ADGRG4: variants seen among roughly 807,000 people sequenced by gnomAD.
ADGRG4 encodes the protein adhesion G protein-coupled receptor G4.
In ADGRG4, 122 loss-of-function variants were observed where a neutral mutation model predicts 126.2. The observed-to-expected ratio is 0.97, with a 90% CI of 0.83 to 1.12. The LOEUF (loss-of-function observed/expected upper bound fraction) is 1.12, where lower values mean the gene tolerates loss of function less well. Ranked by LOEUF, ADGRG4 falls within the 50% of genes most tolerant of loss-of-function variation. The pLI is 0.00. For synonymous variants in ADGRG4, 943 were observed against 838.7 expected, an observed-to-expected ratio of 1.12 and a Z score of -2.15; for missense variants, 2,481 against 2,251.8, an observed-to-expected ratio of 1.10 and a Z score of -2.06.
At chrX:136,369,388 C>T (rs761405640) in intron 13 of ADGRG4, among the ~76,000 whole-genome samples, 2 of 111,807 alleles carry the variant, frequency 1.8e-5, no homozygotes, top group South Asian at 7.5e-4. Flanking sequence ...AGGAGAAGTC[C>T]CTTTATTACT....
chrX:136,378,477 T>G (rs1312854720), intron 15 of ADGRG4, among the ~76,000 whole-genome samples: 1 of 111,322 alleles, frequency 9.0e-6, no homozygotes, highest in Non-Finnish European at 1.9e-5. Context: ...ATTCCTTTTA[T>G]TTCTTTTTGG....
At chrX:136,361,168 C>T (rs1324584322) in intron 11 of ADGRG4, among the ~76,000 whole-genome samples, 1 of 108,850 alleles carries the variant, frequency 9.2e-6, no homozygotes, top group Non-Finnish European at 1.9e-5. Context: ...AAACCTATCT[C>T]ATCAATTCGT....
intron 23 of ADGRG4, among the ~76,000 whole-genome samples, chrX:136,408,269 G>A (rs771444628): frequency 3.6e-5 from 4 of 111,397 alleles, no homozygotes; most frequent in Non-Finnish European, 7.5e-5. Context: ...TTGTTAGCTG[G>A]GTATATCATG....
At chrX:136,355,128 C>A (rs1322576086) in intron 8 of ADGRG4, among the ~76,000 whole-genome samples, 1 of 111,338 alleles carries the variant, frequency 9.0e-6, no homozygotes, top group Admixed American at 9.6e-5. Context: ...CTGAAGCCAG[C>A]TTCTGAGGCC....
intron 14 of ADGRG4, 76 bp from the exon 15 acceptor site, chrX:136,372,826 T>C: frequency 2.0e-6 from 2 of 992,312 alleles, no homozygotes; most frequent in Middle Eastern, 2.6e-4. Context: ...AGTCTTGCAA[T>C]AAGGAAATCT....
rs1294316919 is a variant in ADGRG4, at chrX:136,363,664, C to T, written c.7396+69C>T. On this transcript the variant is annotated intron_variant, in intron 13 of 25. Transcript: ENST00000394143. Reference sequence around the variant, plus strand: ...TTACTTTGCCTACTTGACCCCAAACCAGAGAGAGTATAGGCAAACCCCACT... The same window carrying T: ...TTACTTTGCCTACTTGACCCCAAACTAGAGAGAGTATAGGCAAACCCCACT... 1.1e-5 allele frequency: 8 copies of T among 706,454 alleles called. No individual in the cohort carries two copies. The Admixed American group carries it at 1.8e-4, about 16-fold the overall frequency. The allele number at this position is 706,454 out of a possible 1,213,427, so 58.2% of individuals were successfully genotyped here.
At chrX:136,352,953 G>A (rs191120497) in intron 7 of ADGRG4, among the ~76,000 whole-genome samples, 11 of 111,675 alleles carry the variant, frequency 9.9e-5, no homozygotes, top group African/African-American at 3.2e-4. Context: ...TTTGCAGATG[G>A]CCATCTTCTT....
intron 13 of ADGRG4, among the ~76,000 whole-genome samples, chrX:136,368,473 C>G (rs2075172931): frequency 8.9e-6 from 1 of 111,870 alleles, no homozygotes; most frequent in Non-Finnish European, 1.9e-5. Context: ...TTTCTGCATC[C>G]TTTCTCTTGG....
At chrX:136,357,360 G>A (rs1252966819) in intron 9 of ADGRG4, among the ~76,000 whole-genome samples, 1 of 111,878 alleles carries the variant, frequency 8.9e-6, no homozygotes, top group Non-Finnish European at 1.9e-5. Context: ...ATGTTTGATA[G>A]TGTTTACAAT....
rs772745704 is a variant in ADGRG4, at chrX:136,331,096, A to T, written c.685+7704A>T. 2.7e-5 allele frequency among the ~76,000 whole-genome samples: 3 copies of T among 110,782 alleles called. No homozygotes were observed. The South Asian group carries it at 1.2e-3, about 43-fold the overall frequency. On this transcript the variant is annotated intron_variant, in intron 5 of 25. Transcript: ENST00000394143. ...GCCCACAAACAAATGAGAACATGCG[A>T]TGTTTGTTTTTCTGTGCTTAGCTTA...
Position 136,371,878 on chromosome X carries a change from T to C in ADGRG4, c.7613+334T>C, listed in dbSNP as rs2075196870. On this transcript the variant is annotated intron_variant, in intron 14 of 25. Coordinates refer to ENST00000394143, the MANE Select transcript of ADGRG4 (RefSeq NM_153834.4). Reference sequence around the variant, plus strand: ...CTTGAGCATCCGTGGATTTTTGTATTCATGGGAGTCCTGGAACAAGATCCC... The same window carrying C: ...CTTGAGCATCCGTGGATTTTTGTATCCATGGGAGTCCTGGAACAAGATCCC... Among the ~76,000 whole-genome samples, 4 of 111,624 alleles carry C rather than the reference T, an allele frequency of 3.6e-5. No individual in the cohort carries two copies. The South Asian group carries it at 1.5e-3, about 42-fold the overall frequency.
chrX:136,378,795 T>C (rs999760388), intron 15 of ADGRG4, among the ~76,000 whole-genome samples: 7 of 111,945 alleles, frequency 6.3e-5, no homozygotes, highest in Admixed American at 5.7e-4. Flanking sequence ...GTAAATTATA[T>C]TGATTTTAAA....
In ADGRG4 at chrX:136,346,810, A is replaced by G; in HGVS notation, c.3104A>G (p.Glu1035Gly). ...VAEETEVTMSEPSTLARAFST... is the reference protein window; with the variant it reads ...VAEETEVTMSGPSTLARAFST... ...GAGGAGACTGAGGTTACCATGTCTG[A>G]GCCTTCTACACTGGCCAGGGCTTTT... The change falls in exon 6 of 26, where the codon GAG (glutamate) becomes GGG (glycine). Residue 1035 changes from glutamate (E) to glycine (G), a missense_variant. Coordinates refer to ENST00000394143, the MANE Select transcript of ADGRG4 (RefSeq NM_153834.4). 1 of 1,209,631 alleles carries G rather than the reference A, an allele frequency of 8.3e-7. No individual in the cohort carries two copies. The highest frequency in any genetic ancestry group is 1.8e-5 in the South Asian group (1 of 56,803).
chrX:136,345,869 A>G lies in ADGRG4; in HGVS notation c.2163A>G (p.Thr721=), dbSNP rs1176752833. 1.3e-5 allele frequency: 16 copies of G among 1,209,535 alleles called. No individual in the cohort carries two copies. Among genetic ancestry groups the G allele is most frequent in the African/African-American group, 1.7e-5 (1 of 57,285 alleles). The part of the protein sequence containing the change: ...GKGTTANDAT[T]ARYTTAVSKL... ...GTACCACTGCCAATGATGCTACTAC[A>G]GCCAGATATACAACAGCTGTATCCA... The change falls in exon 6 of 26, where the codon ACA becomes ACG. Residue 721 remains threonine (T), a synonymous_variant. Transcript: ENST00000394143.
Position 136,410,142 on chromosome X carries a change from G to A in ADGRG4, c.8936-2123G>A, listed in dbSNP as rs377027556. 7.1e-5 allele frequency among the ~76,000 whole-genome samples: 8 copies of A among 112,296 alleles called. No individual in the cohort carries two copies. The East Asian group carries it at 2.0e-3, about 27-fold the overall frequency. ...TCTTCCATTGCTCCTGGTTCTAACC[G>A]GGCAACTGTACAGATACAAGCCTAG... is the stretch of plus-strand genomic sequence containing the variant. On this transcript the variant is annotated intron_variant, in intron 23 of 25. Coordinates refer to ENST00000394143, the MANE Select transcript of ADGRG4 (RefSeq NM_153834.4).
chrX:136,393,265 T>C (rs1410895040), intron 17 of ADGRG4, among the ~76,000 whole-genome samples: 4 of 111,927 alleles, frequency 3.6e-5, no homozygotes, highest in African/African-American at 1.3e-4. Flanking sequence ...ATGGCAATTT[T>C]TAATACTACC....
At chrX:136,352,048 T>C (rs2148470987) in intron 7 of ADGRG4, among the ~76,000 whole-genome samples, 1 of 111,854 alleles carries the variant, frequency 8.9e-6, no homozygotes, top group Admixed American at 9.5e-5. Flanking sequence ...AGAAAGTAAA[T>C]GTCCTCTCTC....
intron 11 of ADGRG4, among the ~76,000 whole-genome samples, chrX:136,360,002 C>T (rs942673662): frequency 1.8e-5 from 2 of 111,569 alleles, no homozygotes; most frequent in African/African-American, 6.5e-5. Flanking sequence ...TGAGCTCACA[C>T]AGCTCTAATG....
At chrX:136,411,413 TGGCCA>T (rs2075445815) in intron 23 of ADGRG4, among the ~76,000 whole-genome samples, 2 of 112,619 alleles carry the variant, frequency 1.8e-5, no homozygotes, top group Admixed American at 9.3e-5. Context: ...GAATGAGAAA[TGGCCA>T]GCACTGCTGG....
Sources: allele counts gnomAD v4.1 joint callset (sites outside exome capture counted in the v4.1 genomes callset), GRCh38; gene constraint gnomAD v4.1.1; transcripts MANE v1.5; gene names NCBI Gene and HGNC (gene_info 2026-07-23, HGNC 2026-07-21).